Variants in EZH1 observed in about 807,000 individuals in gnomAD.
The protein encoded by EZH1 is enhancer of zeste 1 polycomb repressive complex 2 subunit.
A neutral mutation model predicts 100.5 loss-of-function variants in EZH1; 33 were observed. That is an observed-to-expected ratio of 0.33 (90% CI 0.25 to 0.44). EZH1 has a LOEUF of 0.44. Ranked by LOEUF, EZH1 falls within the 20% of genes least tolerant of loss-of-function variation. The pLI, the probability that EZH1 is intolerant of heterozygous loss-of-function variation, is 1.00. For synonymous variants in EZH1, 272 were observed against 313.8 expected (o/e 0.87, Z 1.41); for missense variants, 475 against 928.4 (o/e 0.51, Z 6.35).
At chr17:42,744,968 G>GGCCCGGCCCCACC (rs1173605185) in intron 1 of EZH1, 43 bp downstream of exon 1, 53 of 1,256,616 alleles carry the variant, frequency 4.2e-5, no homozygotes, top group South Asian at 2.6e-4. Context: ...GAGGGGAGGA[G>GGCCCGGCCCCACC]GCCCGGCCCC....
rs1288914333 is a variant in EZH1, at chr17:42,703,729, C to T, written c.2098+11G>A. On this transcript the variant is annotated intron_variant, in intron 19 of 20. Coordinates refer to ENST00000428826, the MANE Select transcript of EZH1 (RefSeq NM_001991.5). ...ATCCCCCACCCCACCTCCCAGGTTA[C>T]TGGGACTCACCTTTGGCATAACAGT... 1.2e-6 allele frequency: 2 copies of T among 1,610,572 alleles called. No individual in the cohort carries two copies. The highest frequency in any genetic ancestry group is 2.2e-5 in the South Asian group (2 of 90,996).
chr17:42,710,545 G>A (rs770073412), intron 12 of EZH1, among the ~76,000 whole-genome samples: 2 of 151,742 alleles, frequency 1.3e-5, no homozygotes, highest in Admixed American at 6.6e-5. Context: ...AGATGGTTAC[G>A]TTGAGAACCT....
chr17:42,732,564 C>G (rs1422158316), intron 1 of EZH1, among the ~76,000 whole-genome samples: 2 of 151,874 alleles, frequency 1.3e-5, no homozygotes, highest in Non-Finnish European at 2.9e-5. Context: ...GTCAGGAGAT[C>G]GAGACTATCC....
chr17:42,739,768 C>G (rs1464268127), intron 1 of EZH1, among the ~76,000 whole-genome samples: 2 of 151,116 alleles, frequency 1.3e-5, no homozygotes, highest in Non-Finnish European at 3.0e-5. Context: ...GTAATGGTAA[C>G]AAAAATCTAA....
At position 42,730,837 on chromosome 17, in the gene EZH1, T is replaced by C; in HGVS notation, c.-21A>G. 2.0e-6 allele frequency: 2 copies of C among 985,344 alleles called. No homozygotes were observed. Among genetic ancestry groups the C allele is most frequent in the Non-Finnish European group, 2.4e-6 (2 of 829,772 alleles). 61.0% of individuals were successfully genotyped at this position (985,344 alleles called of 1,614,324 possible). A position where few individuals can be genotyped will look rare whatever the true frequency, so the allele number is the denominator to read the frequency against. ...AATATACTTTACCTACCTTATAGAATGCAAGGGGAAGTGTTGGGTTTTACA... is the reference window on the plus strand; with the variant it reads ...AATATACTTTACCTACCTTATAGAACGCAAGGGGAAGTGTTGGGTTTTACA... On this transcript the variant is annotated 5_prime_UTR_variant, in exon 2 of 21. Transcript: ENST00000428826.
chr17:42,736,700 G>C (rs1007169237), intron 1 of EZH1, among the ~76,000 whole-genome samples: 3 of 152,048 alleles, frequency 2.0e-5, no homozygotes, highest in African/African-American at 4.8e-5. Flanking sequence ...TGGGCATGGT[G>C]GTGTGCACTT....
chr17:42,703,045 A>T, intron 19 of EZH1, 84 bp from the exon 20 acceptor site: 1 of 1,328,426 alleles, frequency 7.5e-7, no homozygotes, highest in South Asian at 1.2e-5. Flanking sequence ...TTTTCTCCAA[A>T]TTCCCAGTGA....
intron 19 of EZH1, chr17:42,703,332 G>A (rs946359111): frequency 2.4e-5 from 7 of 291,304 alleles, no homozygotes; most frequent in East Asian, 9.7e-5. Context: ...ACACCACCAC[G>A]CCCCCCAGCT....
chr17:42,720,396 C>G lies in EZH1; in HGVS notation c.541G>C (p.Asp181His). The G allele has an allele frequency of 6.2e-7, 1 of 1,613,902 alleles. No homozygotes were observed. Among genetic ancestry groups the G allele is most frequent in the Non-Finnish European group, 8.5e-7 (1 of 1,179,972 alleles). Reference sequence around the variant, plus strand: ...TCATCTGAGTACTGATTCAGGGCATCGACCAACTCCAGAAAAACAGCATCA... The same window carrying G: ...TCATCTGAGTACTGATTCAGGGCATGGACCAACTCCAGAAAAACAGCATCA... ...ISDAVFLELV[D>H]ALNQYSDEEE... Residue 181 changes from aspartate (D) to histidine (H), a missense_variant, in exon 7 of 21, where the codon GAT becomes CAT. By Grantham distance (81) the Asp-to-His change is moderately conservative. Transcript: ENST00000428826.
chr17:42,720,237 C>A, intron 7 of EZH1, 36 bp downstream of exon 7: 1 of 1,586,134 alleles, frequency 6.3e-7, no homozygotes, highest in Non-Finnish European at 8.6e-7. Context: ...ATCCCTGTCA[C>A]TTTAAAAAAG....
In EZH1 at chr17:42,726,251, G is replaced by A. The variant is rs146632514; in HGVS notation, c.246+1384C>T. Among the ~76,000 whole-genome samples the A allele has an allele frequency of 6.4e-3, 850 of 133,214 alleles. 8 individuals are homozygous for A. Among genetic ancestry groups the A allele is most frequent in the African/African-American group, 0.024 (814 of 34,578 alleles). 87.4% of individuals were successfully genotyped at this position (133,214 alleles called of 152,430 possible). On this transcript the variant is annotated intron_variant, in intron 4 of 20. Coordinates refer to ENST00000428826, the MANE Select transcript of EZH1 (RefSeq NM_001991.5). The stretch of plus-strand genomic sequence containing the variant: ...TTTTTTGAGACGGAGTCTCGCTGTC[G>A]CCCAGGCTGGAGATCATAGCTCACT...
intron 1 of EZH1, among the ~76,000 whole-genome samples, chr17:42,740,054 A>G (rs944205441): frequency 6.6e-6 from 1 of 151,798 alleles, no homozygotes; most frequent in African/African-American, 2.4e-5. Flanking sequence ...CTCTGGTTTA[A>G]TTTTATTTCA....
At chr17:42,722,285 C>G (rs1243129390) in intron 6 of EZH1, among the ~76,000 whole-genome samples, 1 of 151,402 alleles carries the variant, frequency 6.6e-6, no homozygotes, top group Admixed American at 6.6e-5. Context: ...CCACTGCATT[C>G]CAGCCTGGGT....
chr17:42,715,056 A>T (rs2053571454), intron 10 of EZH1, among the ~76,000 whole-genome samples: 1 of 139,700 alleles, frequency 7.2e-6, no homozygotes, highest in Admixed American at 7.6e-5. Flanking sequence ...TTATATATGT[A>T]TTTATATACT....
chr17:42,712,466 C>T lies in EZH1; in HGVS notation c.1224G>A (p.Gln408=), dbSNP rs1168981232. The T allele has an allele frequency of 6.2e-7, 1 of 1,613,690 alleles. No homozygotes were observed. The highest frequency in any genetic ancestry group is 8.5e-7 in the Non-Finnish European group (1 of 1,179,886). ...SSSSEANSRC[Q]TPTKQKASPA... ...GACTAGCCTTCTGTTTTGTGGGAGT[C>T]TGACAGCGAGAGTTAGCCTCTGAGA... is the stretch of plus-strand genomic sequence containing the variant. The change falls in exon 12 of 21, where the codon CAG becomes CAA. Residue 408 remains glutamine, a synonymous_variant. Coordinates refer to ENST00000428826, the MANE Select transcript of EZH1 (RefSeq NM_001991.5).
At chr17:42,704,826 G>C (rs2053318497) in intron 17 of EZH1, 143 bp from the exon 18 acceptor site, 2 of 717,214 alleles carry the variant, frequency 2.8e-6, no homozygotes, top group Non-Finnish European at 4.7e-6. Flanking sequence ...GCAAGTTCAA[G>C]TTATGCTGTT....
intron 19 of EZH1, 100 bp downstream of exon 19, chr17:42,703,640 C>CA (rs1023767438): frequency 3.6e-5 from 31 of 850,304 alleles, no homozygotes; most frequent in Admixed American, 3.3e-4. Context: ...TATCTTTGGA[C>CA]AAAAAATAGC....
Position 42,718,292 on chromosome 17 carries a change from G to A in EZH1, c.931+162C>T. On this transcript the variant is annotated intron_variant, in intron 9 of 20. Transcript: ENST00000428826. The surrounding 1 kb of genome is among the most constrained non-coding windows in gnomAD (Gnocchi z 4.2). Reference sequence around the variant, plus strand: ...AGTTAGTCTGTCCCTATCATGCAAAGCATGTTGCACTATAATTGAGCAAGG... The same window carrying A: ...AGTTAGTCTGTCCCTATCATGCAAAACATGTTGCACTATAATTGAGCAAGG... 3 of 983,708 alleles carry A rather than the reference G, an allele frequency of 3.0e-6. No individual in the cohort carries two copies. Among genetic ancestry groups the A allele is most frequent in the Non-Finnish European group, 4.4e-6 (3 of 677,062 alleles). The allele number at this position is 983,708 out of a possible 1,614,324, so 60.9% of individuals were successfully genotyped here.
At position 42,718,305 on chromosome 17, in the gene EZH1, TA is replaced by T; in HGVS notation, c.931+148del. On this transcript the variant is annotated intron_variant, in intron 9 of 20. Coordinates refer to ENST00000428826, the MANE Select transcript of EZH1 (RefSeq NM_001991.5). The surrounding 1 kb of genome is among the most constrained non-coding windows in gnomAD (Gnocchi z 4.2). ...CTATCATGCAAAGCATGTTGCACTA[TA>T]ATTGAGCAAGGGAAAATAGAACTGG... The T allele has an allele frequency of 9.1e-7, 1 of 1,097,698 alleles. No individual in the cohort carries two copies. Among genetic ancestry groups the T allele is most frequent in the Non-Finnish European group, 1.3e-6 (1 of 778,910 alleles). The allele number at this position is 1,097,698 out of a possible 1,614,324, so 68.0% of individuals were successfully genotyped here.
Sources: allele counts gnomAD v4.1 joint callset (sites outside exome capture counted in the v4.1 genomes callset), GRCh38; gene constraint gnomAD v4.1.1; non-coding constraint Gnocchi (gnomAD v3.1); transcripts MANE v1.5; gene names NCBI Gene and HGNC (gene_info 2026-07-23, HGNC 2026-07-21).